Variants in NCR1 observed in about 807,000 individuals in gnomAD.
The protein encoded by NCR1 is natural cytotoxicity triggering receptor 1, also known as NK cell-activating receptor.
In NCR1, 30 loss-of-function variants were observed where a neutral mutation model predicts 32.5. That is an observed-to-expected ratio of 0.92 (90% CI 0.69 to 1.25). The LOEUF (loss-of-function observed/expected upper bound fraction) is 1.25. NCR1 is among the 50% of genes most tolerant of loss of function. NCR1 has a pLI of 0.00. For synonymous variants in NCR1, 169 were observed against 143.4 expected (o/e 1.18, Z -1.28); for missense variants, 369 against 380.7 (o/e 0.97, Z 0.26).
the NCR1 span, among the ~76,000 whole-genome samples, chr19:54,935,814 A>G: frequency 0.39 from 59,139 of 151,948 alleles, 14,891 homozygotes; most frequent in African/African-American, 0.72. Flanking sequence ...CCAAAGTGCG[A>G]GGATCATGCA....
chr19:54,919,638 G>A (rs1367190101), downstream of NCR1, among the ~76,000 whole-genome samples: 1 of 151,268 alleles, frequency 6.6e-6, no homozygotes, highest in Non-Finnish European at 1.5e-5. Context: ...AACTGCGGGC[G>A]AGCCTGACTG....
At chr19:54,935,651 C>T in the NCR1 span, among the ~76,000 whole-genome samples, 2 of 150,780 alleles carry the variant, frequency 1.3e-5, no homozygotes, top group African/African-American at 2.4e-5. Flanking sequence ...GAGATCGCGC[C>T]ACTGCGCTCC....
chr19:54,926,538 G>A, the NCR1 span, among the ~76,000 whole-genome samples: 1 of 152,102 alleles, frequency 6.6e-6, no homozygotes, highest in Admixed American at 6.6e-5. Flanking sequence ...CCGGCACTTT[G>A]AGAGGCTGAG....
upstream of NCR1, among the ~76,000 whole-genome samples, chr19:54,905,840 T>C (rs2067568155): frequency 6.6e-6 from 1 of 152,250 alleles, no homozygotes; most frequent in African/African-American, 2.4e-5. Context: ...TATACGATTC[T>C]CAGGGGGTTT....
chr19:54,901,004 G>T, the NCR1 span, among the ~76,000 whole-genome samples: 1 of 151,734 alleles, frequency 6.6e-6, no homozygotes, highest in Non-Finnish European at 1.5e-5. Context: ...CCAAAAAAAG[G>T]CCGGGTGCGG....
chr19:54,899,199 G>A, the NCR1 span, among the ~76,000 whole-genome samples: 1 of 152,128 alleles, frequency 6.6e-6, no homozygotes, highest in Non-Finnish European at 1.5e-5. Flanking sequence ...AGATCTTGTA[G>A]GATGGAAAAA....
chr19:54,931,005 A>T, the NCR1 span, among the ~76,000 whole-genome samples: 1 of 152,096 alleles, frequency 6.6e-6, no homozygotes, highest in African/African-American at 2.4e-5. Flanking sequence ...CCCGGGCGAC[A>T]GAGCGAGACT....
chr19:54,909,283 C>T lies in NCR1; in HGVS notation c.394C>T (p.Pro132Ser), dbSNP rs779393949. 69 of 1,614,094 alleles carry T rather than the reference C, an allele frequency of 4.3e-5. No individual in the cohort carries two copies. Among genetic ancestry groups the T allele is most frequent in the Middle Eastern group, 1.6e-4 (1 of 6,062 alleles). Residue 132 changes from proline to serine, a missense_variant, in exon 4 of 7, where the codon CCC (proline) becomes TCC (serine). Physicochemically the swap from Pro to Ser is moderately conservative, Grantham distance 74. Transcript: ENST00000291890. ...ACCCACCCTCTCGGTTCATCCTGGACCCGAAGTGATCTCGGGAGAGAAGGT... is the reference window on the plus strand; with the variant it reads ...ACCCACCCTCTCGGTTCATCCTGGATCCGAAGTGATCTCGGGAGAGAAGGT... ...DTPTLSVHPG[P>S]EVISGEKVTF...
downstream of NCR1, among the ~76,000 whole-genome samples, chr19:54,917,136 C>T (rs151191949): frequency 2.9e-3 from 436 of 151,924 alleles, 2 homozygotes; most frequent in South Asian, 0.022. Context: ...CTTCTTGCTA[C>T]TCGTTTTCTG....
chr19:54,901,162 C>T (rs979831842), upstream of NCR1, among the ~76,000 whole-genome samples: 45 of 141,042 alleles, frequency 3.2e-4, 1 homozygote, highest in Non-Finnish European at 3.0e-5. Context: ...TGGTGGTGGG[C>T]ACCTGTAGTC....
At chr19:54,931,102 T>C in the NCR1 span, among the ~76,000 whole-genome samples, 4 of 152,280 alleles carry the variant, frequency 2.6e-5, no homozygotes, top group Non-Finnish European at 5.9e-5. Context: ...ACTGGAGCTA[T>C]ATACTTCCAG....
upstream of NCR1, among the ~76,000 whole-genome samples, chr19:54,901,321 A>G (rs1335414628): frequency 7.4e-6 from 1 of 135,018 alleles, no homozygotes; most frequent in Non-Finnish European, 1.5e-5. Context: ...AGATTGCGCC[A>G]CTGCACTCCA....
chr19:54,928,996 T>C, the NCR1 span, among the ~76,000 whole-genome samples: 2 of 152,228 alleles, frequency 1.3e-5, no homozygotes, highest in South Asian at 2.1e-4. Flanking sequence ...CCCGTTTGCA[T>C]TGAGCTTTTG....
chr19:54,936,243 C>T, the NCR1 span: 1 of 1,610,236 alleles, frequency 6.2e-7, no homozygotes, highest in Non-Finnish European at 8.5e-7. Context: ...TGGGGAGAGC[C>T]GTGACCGTGA....
At chr19:54,929,396 G>A in the NCR1 span, among the ~76,000 whole-genome samples, 2 of 103,862 alleles carry the variant, frequency 1.9e-5, no homozygotes, top group Non-Finnish European at 4.2e-5. Context: ...GTGTTCTAGT[G>A]TTTTTTTTCT....
chr19:54,922,708 GGC>G, the NCR1 span, among the ~76,000 whole-genome samples: 1 of 151,026 alleles, frequency 6.6e-6, no homozygotes, highest in Non-Finnish European at 1.5e-5. Flanking sequence ...GAACCTGGGA[GGC>G]GCGGTTGCAG....
At chr19:54,935,227 GGA>G in the NCR1 span, among the ~76,000 whole-genome samples, 104,804 of 147,412 alleles carry the variant, frequency 0.71, 38,897 homozygotes, top group Non-Finnish European at 0.84. Context: ...TTTGCAGGGG[GGA>G]AAAAAAAATT....
At chr19:54,924,077 C>T in the NCR1 span, among the ~76,000 whole-genome samples, 1 of 152,166 alleles carries the variant, frequency 6.6e-6, no homozygotes, top group Non-Finnish European at 1.5e-5. Context: ...AAGCAATTCT[C>T]ATGCCTCAGG....
At chr19:54,938,115 G>A in the NCR1 span, 2 of 1,614,078 alleles carry the variant, frequency 1.2e-6, no homozygotes, top group Non-Finnish European at 1.7e-6. Context: ...AGTCACTCAG[G>A]AAGCTTTGTT....
Sources: gnomAD v4.1 joint callset for allele counts (sites outside exome capture counted in the v4.1 genomes callset) on GRCh38, gnomAD v4.1.1 for gene constraint, MANE v1.5 for transcripts, NCBI Gene and HGNC (gene_info 2026-07-23, HGNC 2026-07-21) for gene names.